Variants in GAS6 observed in about 807,000 individuals in gnomAD.
The protein encoded by GAS6 is growth arrest-specific protein 6.
A neutral mutation model predicts 75.8 loss-of-function variants in GAS6; 41 were observed. The observed-to-expected ratio is 0.54, with a 90% CI of 0.42 to 0.70. GAS6 has a LOEUF of 0.70. Ranked by LOEUF, GAS6 falls within the 30% of genes least tolerant of loss-of-function variation. The probability of loss-of-function intolerance (pLI) is 0.00; values close to 1 mark genes in which losing one functional copy is unlikely to be tolerated. For missense variants in GAS6, 854 were observed against 940.2 expected (o/e 0.91, Z 1.20); for synonymous variants, 432 against 412.6 (o/e 1.05, Z -0.57).
intron 8 of GAS6, 59 bp downstream of exon 8, chr13:113,834,492 C>T (rs750612310): frequency 6.5e-5 from 92 of 1,424,418 alleles, no homozygotes; most frequent in Admixed American, 4.5e-4. Flanking sequence ...CCGAAAGCCC[C>T]CACCGGCGAG....
In GAS6 at chr13:113,838,292, G is replaced by A. The variant is rs527982084; in HGVS notation, c.467-101C>T. 2.3e-5 allele frequency: 33 copies of A among 1,452,058 alleles called. No individual in the cohort carries two copies. In the South Asian group the frequency reaches 3.7e-4, roughly 16 times the overall value. 89.9% of individuals were successfully genotyped at this position (1,452,058 alleles called of 1,614,324 possible). On this transcript the variant is annotated intron_variant, in intron 5 of 14. Coordinates refer to ENST00000327773, the MANE Select transcript of GAS6 (RefSeq NM_000820.4). ...GTGCACAGCCCAGCCCTGGAGCAGG[G>A]AGGGAGCCCAGAGGTGCACAGCCCA...
intron 10 of GAS6, among the ~76,000 whole-genome samples, chr13:113,830,959 T>A (rs1018822817): frequency 6.6e-6 from 1 of 152,186 alleles, no homozygotes; most frequent in African/African-American, 2.4e-5. Flanking sequence ...CTTTAAGAGG[T>A]TGGGAAAAAT....
At position 113,827,082 on chromosome 13, in the gene GAS6, A is replaced by C. The variant is rs1374482114; in HGVS notation, c.1391T>G (p.Val464Gly). The change falls in exon 12 of 15, where the codon GTG becomes GGG. Residue 464 changes from valine (V) to glycine (G), a missense_variant. Val to Gly is a moderately radical substitution (Grantham distance 109). Coordinates refer to ENST00000327773, the MANE Select transcript of GAS6 (RefSeq NM_000820.4). ...EDTTIQETVK[V>G]NTRMQCFSVT... is the part of the protein sequence containing the mutation. ...CGAGAAGCACTGCATCCTCGTGTTC[A>C]CTTTCACCGTTTCCTGGATGGTGGT... The C allele has an allele frequency of 6.2e-7, 1 of 1,613,302 alleles. No homozygotes were observed. Among genetic ancestry groups the C allele is most frequent in the Admixed American group, 1.7e-5 (1 of 59,970 alleles).
intron 5 of GAS6, among the ~76,000 whole-genome samples, chr13:113,838,830 G>A (rs1308452405): frequency 2.0e-5 from 3 of 150,128 alleles, no homozygotes; most frequent in African/African-American, 2.5e-5. Flanking sequence ...GCCTGGGAGT[G>A]CACAGCCCAG....
intron 6 of GAS6, chr13:113,835,980 C>A: frequency 9.3e-7 from 1 of 1,073,136 alleles, no homozygotes; most frequent in South Asian, 4.3e-5. Context: ...TAAAAAGTAA[C>A]CCCCCGGGGG....
chr13:113,839,405 G>C (rs189010971), intron 5 of GAS6: 2 of 214,146 alleles, frequency 9.3e-6, no homozygotes, highest in Admixed American at 6.6e-5. Context: ...TTTCCCCCCC[G>C]CCTTTCAATC....
chr13:113,858,746 TGTTA>T (rs1160324573), intron 2 of GAS6, among the ~76,000 whole-genome samples: 3 of 151,380 alleles, frequency 2.0e-5, no homozygotes, highest in Non-Finnish European at 3.0e-5. Flanking sequence ...TGTACATGTC[TGTTA>T]GTATGTGTGT....
At chr13:113,832,255 G>A (rs2051637819) in intron 10 of GAS6, 44 bp downstream of exon 10, 2 of 1,577,120 alleles carry the variant, frequency 1.3e-6, no homozygotes, top group African/African-American at 2.7e-5. Flanking sequence ...CTGGCTCAGG[G>A]AGAACCCCGT....
chr13:113,828,534 G>A lies in GAS6; in HGVS notation c.1308+13C>T. On this transcript the variant is annotated intron_variant, in intron 11 of 14. Transcript: ENST00000327773. ...ACACGGCGCGTCTACACAGGGACAGGTACAGTACTCACAGGCTGCACGAGG... is the reference window on the plus strand; with the variant it reads ...ACACGGCGCGTCTACACAGGGACAGATACAGTACTCACAGGCTGCACGAGG... 1 of 1,612,074 alleles carries A rather than the reference G, an allele frequency of 6.2e-7. No individual in the cohort carries two copies. The highest frequency in any genetic ancestry group is 8.5e-7 in the Non-Finnish European group (1 of 1,179,144).
intron 2 of GAS6, among the ~76,000 whole-genome samples, chr13:113,849,399 G>A (rs987750413): frequency 2.6e-5 from 4 of 152,150 alleles, no homozygotes; most frequent in Non-Finnish European, 5.9e-5. Flanking sequence ...GAGCCCTGGT[G>A]GAGTCCTGGA....
At chr13:113,821,767 T>C in intron 14 of GAS6, 191 bp downstream of exon 14, 2 of 566,216 alleles carry the variant, frequency 3.5e-6, no homozygotes, top group Non-Finnish European at 3.1e-6. Flanking sequence ...TCTCAGCCAA[T>C]GACCTGACCA....
chr13:113,822,245 T>A, intron 13 of GAS6, 59 bp from the exon 14 acceptor site: 2 of 1,298,146 alleles, frequency 1.5e-6, no homozygotes, highest in Non-Finnish European at 2.1e-6. Flanking sequence ...AGCTGTTAGG[T>A]CCAAGCTGGT....
chr13:113,825,595 A>G (rs1438551094), intron 12 of GAS6, among the ~76,000 whole-genome samples: 1 of 152,222 alleles, frequency 6.6e-6, no homozygotes, highest in African/African-American at 2.4e-5. Context: ...GGCCCCTGTG[A>G]TGCCTGCATA....
chr13:113,859,404 T>C (rs2051951435), intron 2 of GAS6, among the ~76,000 whole-genome samples: 1 of 149,206 alleles, frequency 6.7e-6, no homozygotes, highest in Non-Finnish European at 1.5e-5. Context: ...ACATGTCTGT[T>C]AGTATGTGTG....
intron 2 of GAS6, among the ~76,000 whole-genome samples, chr13:113,850,326 A>G (rs563546370): frequency 5.9e-5 from 9 of 152,200 alleles, no homozygotes; most frequent in African/African-American, 2.2e-4. Context: ...GCCACCACTC[A>G]GGAGGCCGGA....
chr13:113,826,488 G>C (rs113780260), intron 12 of GAS6, among the ~76,000 whole-genome samples: 28 of 81,136 alleles, frequency 3.5e-4, no homozygotes, highest in African/African-American at 6.1e-4. Flanking sequence ...TTCTCTCCCC[G>C]GCCTCCCGGC....
chr13:113,842,532 C>T (rs764748335), intron 4 of GAS6: 14 of 396,456 alleles, frequency 3.5e-5, no homozygotes, highest in Non-Finnish European at 5.8e-5. Context: ...CTGGAGACGT[C>T]GATGTGGTCA....
intron 6 of GAS6, chr13:113,835,945 G>T: frequency 8.6e-7 from 1 of 1,157,276 alleles, no homozygotes; most frequent in Non-Finnish European, 1.1e-6. Context: ...CCATTTAAAT[G>T]ACGGTGCTAC....
chr13:113,837,975 C>T lies in GAS6; in HGVS notation c.589+94G>A, dbSNP rs1373449344. The T allele has an allele frequency of 7.3e-6, 11 of 1,501,936 alleles. No homozygotes were observed. The highest frequency in any genetic ancestry group is 9.0e-6 in the Non-Finnish European group (10 of 1,106,324). 93.0% of individuals were successfully genotyped at this position (1,501,936 alleles called of 1,614,324 possible). A position where few individuals can be genotyped will look rare whatever the true frequency, so the allele number is the denominator to read the frequency against. ...CATCCCATCCAGAACCACAGGAACC[C>T]AGCCAGCAGCAGCCGCTTGCAGAAG... is the stretch of plus-strand genomic sequence containing the variant. On this transcript the variant is annotated intron_variant, in intron 6 of 14. Transcript: ENST00000327773. The surrounding 1 kb of genome is among the most constrained non-coding windows in gnomAD (Gnocchi z 5.1).
Sources: allele counts gnomAD v4.1 joint callset (sites outside exome capture counted in the v4.1 genomes callset), GRCh38; gene constraint gnomAD v4.1.1; non-coding constraint Gnocchi (gnomAD v3.1); transcripts MANE v1.5; gene names NCBI Gene and HGNC (gene_info 2026-07-23, HGNC 2026-07-21).